ELAVL2: variants seen among roughly 807,000 people sequenced by gnomAD.
ELAVL2 encodes the protein ELAV like RNA binding protein 2.
Under a neutral mutation model 34.6 loss-of-function variants are expected in ELAVL2, and 4 were observed. That is an observed-to-expected ratio of 0.12 (90% CI 0.06 to 0.26). ELAVL2 has a LOEUF of 0.26. ELAVL2 is among the 10% of genes least tolerant of loss of function. ELAVL2 has a pLI of 1.00. For missense variants in ELAVL2, 432 were observed against 442.8 expected (o/e 0.98, Z 0.22); for synonymous variants, 193 against 154.8 (o/e 1.25, Z -1.83).
chr9:23,702,975 A>AAAAAAAAAAAAAAAAAAAAAAAAAT (rs1563957664), intron 4 of ELAVL2, among the ~76,000 whole-genome samples: 1 of 140,312 alleles, frequency 7.1e-6, no homozygotes, highest in Non-Finnish European at 1.6e-5. Flanking sequence ...AAAAAAAAAA[A>AAAAAAAAAAAAAAAAAAAAAAAAAT]AAAAAACAGC....
Position 23,786,326 on chromosome 9 carries a change from T to A in ELAVL2, c.-15-24077A>T, listed in dbSNP as rs951357360. 3.3e-5 allele frequency among the ~76,000 whole-genome samples: 5 copies of A among 152,152 alleles called. No homozygotes were observed. In the South Asian group the frequency reaches 1.0e-3, roughly 31 times the overall value. On this transcript the variant is annotated intron_variant, in intron 1 of 6. Transcript: ENST00000397312. ...CTAATTTATATTGAGATAAACTATA[T>A]AGGCTCAGACTATTCAGGCAAGGAA...
intron 2 of ELAVL2, among the ~76,000 whole-genome samples, chr9:23,757,060 G>T (rs2053734535): frequency 6.6e-6 from 1 of 152,094 alleles, no homozygotes; most frequent in Non-Finnish European, 1.5e-5. Context: ...ACTCCCTTAG[G>T]TGAGTAGGTG....
At chr9:23,784,269 T>C (rs534792564) in intron 1 of ELAVL2, among the ~76,000 whole-genome samples, 1 of 152,050 alleles carries the variant, frequency 6.6e-6, no homozygotes, top group Non-Finnish European at 1.5e-5. Context: ...GGGAACTTAG[T>C]GGGAGAGACA....
intron 1 of ELAVL2, among the ~76,000 whole-genome samples, chr9:23,798,228 T>C (rs1564512002): frequency 6.6e-6 from 1 of 152,210 alleles, no homozygotes; most frequent in African/African-American, 2.4e-5. Context: ...TTCATAATAT[T>C]AGTGCAAAAA....
intron 1 of ELAVL2, among the ~76,000 whole-genome samples, chr9:23,822,114 A>G (rs1193338287): frequency 6.6e-6 from 1 of 151,986 alleles, no homozygotes. Context: ...AAGTTTGCAA[A>G]TCCCGAGGCC....
intron 1 of ELAVL2, among the ~76,000 whole-genome samples, chr9:23,788,877 C>A (rs1489770687): frequency 6.6e-6 from 1 of 152,174 alleles, no homozygotes; most frequent in Non-Finnish European, 1.5e-5. Context: ...TCACACTATT[C>A]AGAAGTACAC....
At chr9:23,790,110 CT>C (rs2137173315) in intron 1 of ELAVL2, among the ~76,000 whole-genome samples, 1 of 151,586 alleles carries the variant, frequency 6.6e-6, no homozygotes, top group Admixed American at 6.6e-5. Flanking sequence ...AAATTTTCTC[CT>C]AAATCATTCT....
At chr9:23,816,105 T>C (rs2063664948) in intron 1 of ELAVL2, among the ~76,000 whole-genome samples, 1 of 151,914 alleles carries the variant, frequency 6.6e-6, no homozygotes, top group Admixed American at 6.6e-5. Context: ...GTATGGAAAT[T>C]TCTTATTTGT....
At chr9:23,711,249 A>G (rs1172505109) in intron 3 of ELAVL2, among the ~76,000 whole-genome samples, 1 of 152,188 alleles carries the variant, frequency 6.6e-6, no homozygotes, top group East Asian at 1.9e-4. Flanking sequence ...AAAATATAGG[A>G]TTTAGAAAAC....
intron 2 of ELAVL2, among the ~76,000 whole-genome samples, chr9:23,741,145 A>C (rs1360117769): frequency 6.6e-6 from 1 of 152,202 alleles, no homozygotes; most frequent in Non-Finnish European, 1.5e-5. Flanking sequence ...GAGAAGATGA[A>C]ATTCAGGTGT....
chr9:23,753,605 C>A (rs532597721), intron 2 of ELAVL2, among the ~76,000 whole-genome samples: 1 of 152,072 alleles, frequency 6.6e-6, no homozygotes, highest in Non-Finnish European at 1.5e-5. Context: ...AAAGAAGCAA[C>A]AAGTTCATAT....
At chr9:23,744,125 T>C (rs1424600751) in intron 2 of ELAVL2, among the ~76,000 whole-genome samples, 24 of 152,276 alleles carry the variant, frequency 1.6e-4, no homozygotes, top group Admixed American at 1.4e-3. Context: ...GAATTTGAGA[T>C]TGGGATCTCA....
rs1050529084 is a variant in ELAVL2 at position 23,690,815 on chromosome 9, T to G, written c.*1742A>C. 6.6e-6 allele frequency: 1 copy of G among 152,608 alleles called. No homozygotes were observed. The highest frequency in any genetic ancestry group is 1.5e-5 in the Non-Finnish European group (1 of 68,002). 9.5% of individuals were successfully genotyped at this position (152,608 alleles called of 1,614,324 possible). A position where few individuals can be genotyped will look rare whatever the true frequency, so the allele number is the denominator to read the frequency against. On this transcript the variant is annotated 3_prime_UTR_variant, in exon 7 of 7. Transcript: ENST00000397312. ...AAGGCATTTTTGCCTTCAGCTTTTT[T>G]GAAAATTTATTATAAGCTAGATGCT...
At chr9:23,807,897 T>A (rs1159572746) in intron 1 of ELAVL2, among the ~76,000 whole-genome samples, 2 of 152,194 alleles carry the variant, frequency 1.3e-5, no homozygotes, top group Non-Finnish European at 2.9e-5. Context: ...ACAATGCAGA[T>A]CTCACTGCTG....
At position 23,695,184 on chromosome 9, in the gene ELAVL2, C is replaced by G. The variant is rs1175684464; in HGVS notation, c.714-1698G>C. On this transcript the variant is annotated intron_variant, in intron 5 of 6. Coordinates refer to ENST00000397312, the MANE Select transcript of ELAVL2 (RefSeq NM_004432.5). ...TAAAGACAAACACATATTAGCACCA[C>G]CAATCATAAAGTAACAATACAATTT... Among the ~76,000 whole-genome samples, 3 of 152,084 alleles carry G rather than the reference C, an allele frequency of 2.0e-5. No homozygotes were observed. The East Asian group carries it at 5.8e-4, about 29-fold the overall frequency.
At chr9:23,790,613 C>G (rs541314216) in intron 1 of ELAVL2, among the ~76,000 whole-genome samples, 2 of 152,306 alleles carry the variant, frequency 1.3e-5, no homozygotes, top group South Asian at 2.1e-4. Context: ...AAAGGTTTGA[C>G]TCTCTGCTGA....
chr9:23,761,973 T>C, intron 2 of ELAVL2, 33 bp downstream of exon 2: 1 of 1,583,436 alleles, frequency 6.3e-7, no homozygotes, highest in Non-Finnish European at 8.6e-7. Context: ...ACACGATCCG[T>C]TAAATATAAA....
At chr9:23,699,530 C>A (rs2036414877) in intron 5 of ELAVL2, among the ~76,000 whole-genome samples, 1 of 152,148 alleles carries the variant, frequency 6.6e-6, no homozygotes, top group Non-Finnish European at 1.5e-5. Context: ...AACTCGAGAT[C>A]ATTTTCAAGG....
At chr9:23,834,890 T>G in the ELAVL2 span, among the ~76,000 whole-genome samples, 1 of 152,060 alleles carries the variant, frequency 6.6e-6, no homozygotes, top group Non-Finnish European at 1.5e-5. Flanking sequence ...GATATAATAA[T>G]AAAAACACCT....
Sources: allele counts gnomAD v4.1 joint callset (sites outside exome capture counted in the v4.1 genomes callset), GRCh38; gene constraint gnomAD v4.1.1; transcripts MANE v1.5; gene names NCBI Gene and HGNC (gene_info 2026-07-23, HGNC 2026-07-21).